CES1: variants seen among roughly 807,000 people sequenced by gnomAD.
CES1 encodes the protein carboxylesterase 1.
In CES1, 50 loss-of-function variants were observed where a neutral mutation model predicts 53.0. That is an observed-to-expected ratio of 0.94 (90% confidence interval 0.75 to 1.19). The LOEUF is 1.19. CES1 is among the 50% of genes most tolerant of loss of function. The pLI, the probability that CES1 is intolerant of heterozygous loss-of-function variation, is 0.00. For synonymous variants in CES1, 202 were observed against 210.1 expected (o/e 0.96, Z 0.33); for missense variants, 534 against 538.0 (o/e 0.99, Z 0.07).
chr16:55,817,425 C>A (rs1567497872), intron 7 of CES1, among the ~76,000 whole-genome samples: 1 of 152,226 alleles, frequency 6.6e-6, no homozygotes, highest in Non-Finnish European at 1.5e-5. Context: ...CAACACATTT[C>A]TTTTTCTGTT....
intron 11 of CES1, among the ~76,000 whole-genome samples, chr16:55,808,729 A>C (rs28709456): frequency 0.12 from 17,553 of 152,078 alleles, 1,133 homozygotes; most frequent in East Asian, 0.19. Context: ...CTAAACATCT[A>C]ATAGGATATG....
At chr16:55,827,342 C>T (rs1400963214) in intron 2 of CES1, among the ~76,000 whole-genome samples, 3 of 150,734 alleles carry the variant, frequency 2.0e-5, no homozygotes, top group Non-Finnish European at 4.4e-5. Context: ...AAAGAACTCA[C>T]TGGTCTTCAG....
chr16:55,815,436 C>T (rs1306312039), intron 8 of CES1, among the ~76,000 whole-genome samples: 6 of 152,204 alleles, frequency 3.9e-5, no homozygotes, highest in African/African-American at 1.2e-4. Flanking sequence ...AGGCAAGAGA[C>T]GGGAGCACCT....
intron 10 of CES1, 80 bp downstream of exon 10, chr16:55,810,847 C>T (rs1278124974): frequency 9.8e-6 from 14 of 1,429,700 alleles, no homozygotes; most frequent in African/African-American, 2.8e-5. Flanking sequence ...TTCATTCTGC[C>T]ATTTAATTGC....
intron 1 of CES1, among the ~76,000 whole-genome samples, chr16:55,830,878 AGAAAG>A (rs2032637439): frequency 6.6e-6 from 1 of 151,406 alleles, no homozygotes. Flanking sequence ...GGGAAAGAAA[AGAAAG>A]GAAAAGAAAA....
chr16:55,810,131 C>A (rs754536743), intron 11 of CES1, among the ~76,000 whole-genome samples: 8 of 152,130 alleles, frequency 5.3e-5, no homozygotes, highest in South Asian at 4.2e-4. Flanking sequence ...ACCCGGCTCC[C>A]TTGCCACTCA....
chr16:55,820,984 C>T (rs1382101185), intron 5 of CES1, among the ~76,000 whole-genome samples: 1 of 152,176 alleles, frequency 6.6e-6, no homozygotes, highest in Non-Finnish European at 1.5e-5. Flanking sequence ...TTCTCTCTGC[C>T]TGCCCTTACT....
At chr16:55,812,120 G>C (rs1241109049) in intron 9 of CES1, among the ~76,000 whole-genome samples, 5 of 152,198 alleles carry the variant, frequency 3.3e-5, no homozygotes, top group Non-Finnish European at 4.4e-5. Flanking sequence ...TTCCCCTATT[G>C]CAATCATATT....
intron 8 of CES1, among the ~76,000 whole-genome samples, chr16:55,814,513 G>A (rs2031843926): frequency 6.6e-6 from 1 of 152,236 alleles, no homozygotes. Context: ...TCATCTAAGA[G>A]GTGAGTTATT....
chr16:55,831,346 T>C (rs2032663389), intron 1 of CES1, among the ~76,000 whole-genome samples: 1 of 151,520 alleles, frequency 6.6e-6, no homozygotes, highest in Admixed American at 6.6e-5. Context: ...GGGCTGGTCA[T>C]GCTCAGCTCA....
intron 2 of CES1, among the ~76,000 whole-genome samples, chr16:55,826,950 C>A (rs1423176599): frequency 6.6e-6 from 1 of 152,188 alleles, no homozygotes; most frequent in South Asian, 2.1e-4. Flanking sequence ...AAGCCTCAGA[C>A]TAGTCCCATT....
intron 2 of CES1, 24 bp from the exon 3 acceptor site, chr16:55,826,319 C>G: frequency 6.2e-7 from 1 of 1,613,884 alleles, no homozygotes; most frequent in Non-Finnish European, 8.5e-7. Context: ...AAGAAGAACC[C>G]CTGAAGTTCA....
rs2032526857 is a variant in CES1 at position 55,828,884 on chromosome 16, A to C, written c.143T>G (p.Val48Gly). 4 of 1,614,226 alleles carry C rather than the reference A, an allele frequency of 2.5e-6. No individual in the cohort carries two copies. The South Asian group carries it at 4.4e-5, about 18-fold the overall frequency. The change falls in exon 2 of 14, where the codon GTG becomes GGG. Residue 48 changes from valine to glycine, a missense_variant. Physicochemically the swap from Val to Gly is moderately radical, Grantham distance 109 (BLOSUM62 -3). This residue lies in a region of CES1 where 164 missense variants were observed against 162.4 expected (regional missense o/e 1.01). Transcript: ENST00000360526. ...FVSLEGFAQP[V>G]AIFLGIPFAK... Reference sequence around the variant, plus strand: ...AAAAGGGATTCCCAGGAAAATGGCCACAGGCTGTGCAAATCCTTCTAAGCT... The same window carrying C: ...AAAAGGGATTCCCAGGAAAATGGCCCCAGGCTGTGCAAATCCTTCTAAGCT...
chr16:55,823,011 G>A (rs1335785624), intron 4 of CES1, among the ~76,000 whole-genome samples: 3 of 152,030 alleles, frequency 2.0e-5, no homozygotes, highest in Non-Finnish European at 4.4e-5. Context: ...TCCCACACTT[G>A]CCAAATTTCA....
At chr16:55,815,563 A>C (rs1175959940) in intron 8 of CES1, among the ~76,000 whole-genome samples, 1 of 152,148 alleles carries the variant, frequency 6.6e-6, no homozygotes, top group Non-Finnish European at 1.5e-5. Flanking sequence ...TGTGTCAGAA[A>C]ACTCAGGGCG....
intron 9 of CES1, chr16:55,812,352 C>T: frequency 5.5e-6 from 1 of 183,024 alleles, no homozygotes; most frequent in East Asian, 1.2e-4. Context: ...TTGAGCATAG[C>T]ACCCGATTAG....
chr16:55,812,754 A>C (rs77871385), intron 9 of CES1, 149 bp downstream of exon 9: 56,384 of 1,148,856 alleles, frequency 0.049, 1,650 homozygotes, highest in African/African-American at 0.094. Context: ...CCTCCTGGAG[A>C]AGATTTCCGT....
intron 3 of CES1, among the ~76,000 whole-genome samples, chr16:55,825,750 G>A (rs1472922424): frequency 5.9e-5 from 9 of 152,208 alleles, no homozygotes; most frequent in Non-Finnish European, 2.9e-5. Context: ...CCCTGTCTGG[G>A]CCTCAGTTTC....
chr16:55,821,309 A>G lies in CES1; in HGVS notation c.693+59T>C, dbSNP rs1447440938. 3.1e-6 allele frequency: 5 copies of G among 1,604,548 alleles called. No individual in the cohort carries two copies. In the East Asian group the frequency reaches 1.1e-4, roughly 36 times the overall value. On this transcript the variant is annotated intron_variant, in intron 5 of 13. Coordinates refer to ENST00000360526, the MANE Select transcript of CES1 (RefSeq NM_001025195.2). Reference sequence around the variant, plus strand: ...CCATAGCTGGATTGACAGGTGTCCAAGAGGTCTCATCAGCATCACATCAAG... The same window carrying G: ...CCATAGCTGGATTGACAGGTGTCCAGGAGGTCTCATCAGCATCACATCAAG...
Sources: allele counts gnomAD v4.1 joint callset (sites outside exome capture counted in the v4.1 genomes callset), GRCh38; gene constraint gnomAD v4.1.1; regional missense constraint gnomAD v4.1.1; transcripts MANE v1.5; gene names NCBI Gene and HGNC (gene_info 2026-07-23, HGNC 2026-07-21).